Variants in GLG1 observed in about 807,000 individuals in gnomAD.
The protein encoded by GLG1 is golgi glycoprotein 1.
A neutral mutation model predicts 160.5 loss-of-function variants in GLG1; 38 were observed. That is an observed-to-expected ratio of 0.24 (90% CI 0.18 to 0.31). The LOEUF is 0.31. Ranked by LOEUF, GLG1 falls within the 10% of genes least tolerant of loss-of-function variation. GLG1 has a pLI of 1.00. For synonymous variants in GLG1, 644 were observed against 543.4 expected (o/e 1.19, Z -2.57); for missense variants, 1,373 against 1,505.2 (o/e 0.91, Z 1.45).
In GLG1 at chr16:74,550,049, T is replaced by C. The variant is rs375706075; in HGVS notation, c.439-17896A>G. Among the ~76,000 whole-genome samples, 52 of 152,330 alleles carry C rather than the reference T, an allele frequency of 3.4e-4. No individual in the cohort carries two copies. The East Asian group carries it at 6.4e-3, about 19-fold the overall frequency. On this transcript the variant is annotated intron_variant, in intron 1 of 25. Transcript: ENST00000422840. ...ACAAGACTGCTTGAGCTGGGGAAAG[T>C]TGAGGCTGCAATGAGCCATGATCAC... is the stretch of plus-strand genomic sequence containing the variant.
chr16:74,504,781 T>C (rs1327531449), intron 3 of GLG1, among the ~76,000 whole-genome samples: 1 of 152,228 alleles, frequency 6.6e-6, no homozygotes, highest in African/African-American at 2.4e-5. Flanking sequence ...TTTAGACATA[T>C]GATCTAGTGG....
chr16:74,508,751 G>A (rs1427007090), intron 3 of GLG1, 88 bp downstream of exon 3: 3 of 664,030 alleles, frequency 4.5e-6, no homozygotes, highest in Non-Finnish European at 5.6e-6. Flanking sequence ...GAAAAGTAAT[G>A]TAACTGAGTC....
intron 1 of GLG1, among the ~76,000 whole-genome samples, chr16:74,584,084 C>G (rs768887748): frequency 1.4e-4 from 22 of 152,068 alleles, no homozygotes; most frequent in Non-Finnish European, 2.6e-4. Context: ...TTCAATTTTC[C>G]TCACTTCAAT....
chr16:74,472,207 A>G (rs1416479869), intron 14 of GLG1, 142 bp downstream of exon 14: 6 of 645,786 alleles, frequency 9.3e-6, no homozygotes, highest in Non-Finnish European at 1.7e-5. Context: ...GCCTGTTTAC[A>G]TTTTTAATTT....
At chr16:74,472,528 T>C (rs1007719883) in intron 13 of GLG1, 117 bp from the exon 14 acceptor site, 16 of 1,415,900 alleles carry the variant, frequency 1.1e-5, no homozygotes, top group Non-Finnish European at 1.4e-5. Context: ...ATACATACTT[T>C]TGGAAACGAT....
intron 1 of GLG1, among the ~76,000 whole-genome samples, chr16:74,574,088 T>C (rs901292845): frequency 2.6e-5 from 4 of 152,198 alleles, no homozygotes; most frequent in Admixed American, 2.0e-4. Context: ...CACATACACT[T>C]ATTATCTCTG....
At chr16:74,573,701 C>T (rs2018904470) in intron 1 of GLG1, among the ~76,000 whole-genome samples, 1 of 149,806 alleles carries the variant, frequency 6.7e-6, no homozygotes. Flanking sequence ...CTGAGCCTGG[C>T]TAATTAGCCC....
chr16:74,560,708 A>C (rs1246817271), intron 1 of GLG1, among the ~76,000 whole-genome samples: 1 of 152,076 alleles, frequency 6.6e-6, no homozygotes, highest in Admixed American at 6.5e-5. Context: ...TGAGCTGGGC[A>C]TGGTGGCTTA....
At chr16:74,519,431 T>C (rs2017089235) in intron 2 of GLG1, among the ~76,000 whole-genome samples, 1 of 152,094 alleles carries the variant, frequency 6.6e-6, no homozygotes, top group African/African-American at 2.4e-5. Context: ...CATGTATACC[T>C]ATGTAACAAA....
At chr16:74,594,788 G>A (rs1245675542) in intron 1 of GLG1, among the ~76,000 whole-genome samples, 4 of 152,158 alleles carry the variant, frequency 2.6e-5, no homozygotes, top group African/African-American at 9.7e-5. Flanking sequence ...TGCCCAGGCT[G>A]GAGGGCAGTG....
At chr16:74,524,466 G>GA (rs2017274114) in intron 2 of GLG1, among the ~76,000 whole-genome samples, 1 of 151,494 alleles carries the variant, frequency 6.6e-6, no homozygotes. Context: ...TTGGAAATTT[G>GA]AATGCTAATT....
intron 18 of GLG1, among the ~76,000 whole-genome samples, chr16:74,466,864 AAAAGTT>A (rs1196346074): frequency 6.6e-6 from 1 of 152,216 alleles, no homozygotes; most frequent in East Asian, 1.9e-4. Context: ...GTACCAAAGA[AAAAGTT>A]AAAGAGACAT....
intron 2 of GLG1, among the ~76,000 whole-genome samples, chr16:74,520,783 T>C (rs1295428883): frequency 1.3e-5 from 2 of 152,240 alleles, no homozygotes; most frequent in South Asian, 4.1e-4. Context: ...GGAATGCTAA[T>C]GGGAAGTATA....
chr16:74,534,699 C>T (rs2017638805), intron 1 of GLG1, among the ~76,000 whole-genome samples: 1 of 151,940 alleles, frequency 6.6e-6, no homozygotes, highest in Non-Finnish European at 1.5e-5. Flanking sequence ...ACATCCAGAT[C>T]CTCTGTTTTG....
chr16:74,478,781 G>A (rs371773679), intron 11 of GLG1, among the ~76,000 whole-genome samples: 4 of 151,198 alleles, frequency 2.6e-5, no homozygotes, highest in African/African-American at 4.9e-5. Flanking sequence ...GCGTAGTGGC[G>A]CATGCCTGTA....
intron 1 of GLG1, among the ~76,000 whole-genome samples, chr16:74,567,554 C>CTTTTTTT (rs869140658): frequency 7.5e-5 from 5 of 66,452 alleles, no homozygotes; most frequent in Non-Finnish European, 1.0e-4. Flanking sequence ...GGTGCACTTT[C>CTTTTTTT]TTTTTTTTTT....
In GLG1 at chr16:74,489,347, T is replaced by C. The variant is rs141335031; in HGVS notation, c.1449+1654A>G. On this transcript the variant is annotated intron_variant, in intron 8 of 25. Transcript: ENST00000422840. ...TTAGCTGGGTGTGGTGGTGGGCAAC[T>C]GTAATCCCAGCTACTCAGGAGGTTG... Among the ~76,000 whole-genome samples the C allele has an allele frequency of 5.9e-5, 9 of 152,064 alleles. 1 individual carries two copies. Among genetic ancestry groups the C allele is most frequent in the Admixed American group, 5.2e-4 (8 of 15,266 alleles).
At chr16:74,518,647 CAAAGCAATGGCACCA>C (rs1190779160) in intron 2 of GLG1, among the ~76,000 whole-genome samples, 1 of 152,078 alleles carries the variant, frequency 6.6e-6, no homozygotes, top group Non-Finnish European at 1.5e-5. Context: ...TAGGCATGGG[CAAAGCAATGGCACCA>C]AAAGCAATGG....
chr16:74,578,330 T>C (rs1957861531), intron 1 of GLG1, among the ~76,000 whole-genome samples: 1 of 152,194 alleles, frequency 6.6e-6, no homozygotes, highest in Non-Finnish European at 1.5e-5. Flanking sequence ...AAATACTCTT[T>C]GTGGCACCGC....
Sources: allele counts gnomAD v4.1 joint callset (sites outside exome capture counted in the v4.1 genomes callset), GRCh38; gene constraint gnomAD v4.1.1; transcripts MANE v1.5; gene names NCBI Gene and HGNC (gene_info 2026-07-23, HGNC 2026-07-21).